The following FDFT1 variants were observed in gnomAD, a reference collection of about 807,000 sequenced individuals.
The protein encoded by FDFT1 is farnesyl-diphosphate farnesyltransferase 1, also known as squalene synthase.
Under a neutral mutation model 46.8 loss-of-function variants are expected in FDFT1, and 68 were observed. The observed-to-expected ratio is 1.45, with a 90% CI of 1.19 to 1.78. The LOEUF is 1.78. FDFT1 is among the 40% of genes most tolerant of loss of function. The pLI is 0.00. For missense variants in FDFT1, 928 were observed against 524.4 expected, an observed-to-expected ratio of 1.77 and a Z score of -7.52; for synonymous variants, 351 against 185.1, an observed-to-expected ratio of 1.90 and a Z score of -7.28.
At position 11,826,054 on chromosome 8, in the gene FDFT1, A is replaced by G. The variant is rs749461746; in HGVS notation, c.541A>G (p.Ile181Val). The change falls in exon 5 of 8, where the codon ATT becomes GTT. Residue 181 changes from isoleucine (I) to valine (V), a missense_variant. Ile to Val is a conservative substitution (Grantham distance 29, BLOSUM62 3). Coordinates refer to ENST00000220584, the MANE Select transcript of FDFT1 (RefSeq NM_004462.5). ...CCACTATGTTGCTGGGCTGGTCGGA[A>G]TTGGCCTTTCCCGTCTTTTCTCAGC... ...YCHYVAGLVG[I>V]GLSRLFSASE... The G allele has an allele frequency of 7.5e-6, 12 of 1,603,322 alleles. No homozygotes were observed. The highest frequency in any genetic ancestry group is 1.7e-4 in the Middle Eastern group (1 of 6,012).
upstream of FDFT1, chr8:11,797,857 C>T (rs2645438): frequency 0.53 from 80,504 of 151,832 alleles, 21,300 homozygotes; most frequent in East Asian, 0.58. Flanking sequence ...GTAGCCTGTT[C>T]GGGGGACAAT....
At chr8:11,823,623 G>A (rs113872327) in intron 4 of FDFT1, among the ~76,000 whole-genome samples, 1 of 152,002 alleles carries the variant, frequency 6.6e-6, no homozygotes, top group African/African-American at 2.4e-5. Context: ...CACCCAGACT[G>A]GAATGCAGTG....
intron 3 of FDFT1, among the ~76,000 whole-genome samples, chr8:11,811,960 C>T (rs565376745): frequency 5.9e-4 from 90 of 152,294 alleles, no homozygotes; most frequent in African/African-American, 2.1e-3. Flanking sequence ...TGATATAGCT[C>T]AGTATGTCTT....
intron 4 of FDFT1, among the ~76,000 whole-genome samples, chr8:11,823,858 C>G (rs1809593339): frequency 6.6e-6 from 1 of 152,198 alleles, no homozygotes; most frequent in Non-Finnish European, 1.5e-5. Flanking sequence ...GTCCTCTCAC[C>G]TCAGCCTCCC....
chr8:11,801,339 G>A (rs555122727), upstream of FDFT1, among the ~76,000 whole-genome samples: 9 of 152,314 alleles, frequency 5.9e-5, no homozygotes, highest in African/African-American at 2.2e-4. Context: ...TTGTTTTTGA[G>A]ATGAAGTCTC....
intron 7 of FDFT1, 136 bp downstream of exon 7, chr8:11,831,806 T>C (rs1044333814): frequency 1.6e-5 from 12 of 763,008 alleles, no homozygotes; most frequent in African/African-American, 1.2e-4. Flanking sequence ...GGAATTGATA[T>C]CCTTTATAAG....
Position 11,829,726 on chromosome 8 carries a change from C to G in FDFT1, c.703-518C>G, listed in dbSNP as rs576618264. ...TACGTAACTCACTTCCAGGTTGCAA[C>G]TGGACACTTACTGGTAGTCAGAAAT... On this transcript the variant is annotated intron_variant, in intron 5 of 7. Transcript: ENST00000220584. 2.6e-5 allele frequency among the ~76,000 whole-genome samples: 4 copies of G among 152,322 alleles called. No individual in the cohort carries two copies. The South Asian group carries it at 6.2e-4, about 24-fold the overall frequency.
chr8:11,830,877 T>G (rs1810681370), intron 6 of FDFT1, among the ~76,000 whole-genome samples: 1 of 152,234 alleles, frequency 6.6e-6, no homozygotes, highest in African/African-American at 2.4e-5. Flanking sequence ...CACTTTTTAG[T>G]TGCCTTTACC....
chr8:11,797,357 C>T (rs548663635), upstream of FDFT1, among the ~76,000 whole-genome samples: 10 of 152,196 alleles, frequency 6.6e-5, no homozygotes, highest in Non-Finnish European at 1.3e-4. Context: ...CTAAGTCAGA[C>T]TGAGGGAGCT....
intron 7 of FDFT1, among the ~76,000 whole-genome samples, chr8:11,836,345 C>G (rs963458309): frequency 6.6e-6 from 1 of 152,236 alleles, no homozygotes; most frequent in African/African-American, 2.4e-5. Flanking sequence ...CTGTAGCAAC[C>G]AGTTTCCAAG....
upstream of FDFT1, among the ~76,000 whole-genome samples, chr8:11,801,242 C>G (rs1806090415): frequency 6.6e-6 from 1 of 152,200 alleles, no homozygotes; most frequent in Non-Finnish European, 1.5e-5. Context: ...AGGCTGCAGC[C>G]TCTCAGGATC....
At chr8:11,802,238 C>T (rs1434245823), upstream of FDFT1, 6 of 384,708 alleles carry the variant, frequency 1.6e-5, no homozygotes, top group Admixed American at 9.8e-5. Context: ...GGCGCTGGCC[C>T]GGCCTTTTCA....
At chr8:11,803,422 T>G in intron 1 of FDFT1, 1 of 1,288,394 alleles carries the variant, frequency 7.8e-7, no homozygotes, top group Non-Finnish European at 1.0e-6. Flanking sequence ...CATCGCTTCA[T>G]CCTCGGTGCT....
upstream of FDFT1, chr8:11,801,763 G>A (rs1245755106): frequency 5.7e-6 from 2 of 352,028 alleles, no homozygotes; most frequent in African/African-American, 2.2e-5. Context: ...GTGTCATCTT[G>A]GCTCACTGCA....
chr8:11,817,933 G>C (rs1313072419), intron 3 of FDFT1, among the ~76,000 whole-genome samples: 1 of 151,852 alleles, frequency 6.6e-6, no homozygotes, highest in East Asian at 1.9e-4. Context: ...TGCTTTTCTA[G>C]TTCTTTTAAT....
rs184107790 is a variant in FDFT1, at chr8:11,829,788, G to C, written c.703-456G>C. ...GGAGCTTAAAATGAACTTGATCTTCGTGAAAGATGAGTCTGCAGCTAAGAG... is the reference window on the plus strand; with the variant it reads ...GGAGCTTAAAATGAACTTGATCTTCCTGAAAGATGAGTCTGCAGCTAAGAG... On this transcript the variant is annotated intron_variant, in intron 5 of 7. Transcript: ENST00000220584. Among the ~76,000 whole-genome samples the C allele has an allele frequency of 2.6e-5, 4 of 151,864 alleles. No homozygotes were observed. The South Asian group carries it at 8.3e-4, about 32-fold the overall frequency.
intron 3 of FDFT1, among the ~76,000 whole-genome samples, chr8:11,818,810 T>C (rs914586351): frequency 3.3e-5 from 5 of 152,244 alleles, no homozygotes; most frequent in Admixed American, 6.5e-5. Context: ...TTTATCCAAT[T>C]TGCCAGTCTG....
intron 1 of FDFT1, chr8:11,803,348 G>A (rs1364906747): frequency 7.7e-7 from 1 of 1,291,168 alleles, no homozygotes; most frequent in Non-Finnish European, 1.0e-6. Context: ...GCCGTTTCTG[G>A]AATGAAGTCT....
chr8:11,838,469 C>A lies in FDFT1; in HGVS notation c.1114C>A (p.Pro372Thr). 1 of 1,606,770 alleles carries A rather than the reference C, an allele frequency of 6.2e-7. No individual in the cohort carries two copies. Among genetic ancestry groups the A allele is most frequent in the Non-Finnish European group, 8.5e-7 (1 of 1,175,752 alleles). ...IISTIRTQNL[P>T]NCQLISRSHY... ...CTCCACCATCCGGACGCAGAATCTTCCCAACTGTCAGCTGATTTCCCGAAG... is the reference window on the plus strand; with the variant it reads ...CTCCACCATCCGGACGCAGAATCTTACCAACTGTCAGCTGATTTCCCGAAG... Residue 372 changes from proline to threonine, a missense_variant, in exon 8 of 8, where the codon CCC (proline) becomes ACC (threonine). Physicochemically the swap from Pro to Thr is conservative, Grantham distance 38. Coordinates refer to ENST00000220584, the MANE Select transcript of FDFT1 (RefSeq NM_004462.5).
Sources: gnomAD v4.1 joint callset for allele counts (sites outside exome capture counted in the v4.1 genomes callset) on GRCh38, gnomAD v4.1.1 for gene constraint, MANE v1.5 for transcripts, NCBI Gene and HGNC (gene_info 2026-07-23, HGNC 2026-07-21) for gene names.